Variants in ATP1B3 observed in about 807,000 individuals in gnomAD.
ATP1B3 encodes the protein sodium/potassium-transporting ATPase subunit beta-3.
A neutral mutation model predicts 30.2 loss-of-function variants in ATP1B3; 10 were observed. The ratio of observed to expected loss-of-function variants is 0.33; its 90% confidence interval spans 0.20 to 0.56. The LOEUF is 0.56. Among genes scored for constraint, ATP1B3 ranks in the 20% least tolerant of loss-of-function variants. The probability of loss-of-function intolerance (pLI) is 0.90; values close to 1 mark genes in which losing one functional copy is unlikely to be tolerated. For synonymous variants in ATP1B3, 113 were observed against 117.0 expected, an observed-to-expected ratio of 0.97 and a Z score of 0.22; for missense variants, 238 against 336.7, an observed-to-expected ratio of 0.71 and a Z score of 2.29.
chr3:141,908,291 C>T (rs1004485375), intron 3 of ATP1B3, among the ~76,000 whole-genome samples: 4 of 151,906 alleles, frequency 2.6e-5, no homozygotes, highest in Admixed American at 6.6e-5. Context: ...TTTGCTTGGC[C>T]GAGCCATTTA....
At chr3:141,903,216 T>G (rs1398062716) in intron 1 of ATP1B3, among the ~76,000 whole-genome samples, 1 of 152,234 alleles carries the variant, frequency 6.6e-6, no homozygotes, top group Non-Finnish European at 1.5e-5. Flanking sequence ...ACTAATTCTT[T>G]TATATTCGCC....
chr3:141,887,442 GT>G (rs1481780930), intron 1 of ATP1B3, among the ~76,000 whole-genome samples: 1 of 152,158 alleles, frequency 6.6e-6, no homozygotes, highest in Non-Finnish European at 1.5e-5. Context: ...GGTAACCCCC[GT>G]TAAGTGTGTA....
At chr3:141,904,157 AGAT>A (rs926878040) in intron 2 of ATP1B3, among the ~76,000 whole-genome samples, 1 of 152,242 alleles carries the variant, frequency 6.6e-6, no homozygotes, top group Non-Finnish European at 1.5e-5. Flanking sequence ...AGCAGATAGA[AGAT>A]AGCTAAACCT....
In ATP1B3 at chr3:141,925,770, C is replaced by A; in HGVS notation, c.*69C>A. 6.5e-7 allele frequency: 1 copy of A among 1,538,708 alleles called. No individual in the cohort carries two copies. The highest frequency in any genetic ancestry group is 1.9e-5 in the Admixed American group (1 of 52,710). Reference sequence around the variant, plus strand: ...CTTCATTTTGTAACAGCTGGACCTTCCATTCTAGAATTATGAGACCACCTT... The same window carrying A: ...CTTCATTTTGTAACAGCTGGACCTTACATTCTAGAATTATGAGACCACCTT... On this transcript the variant is annotated 3_prime_UTR_variant, in exon 7 of 7. Transcript: ENST00000286371.
intron 1 of ATP1B3, among the ~76,000 whole-genome samples, chr3:141,890,463 C>T (rs1410345701): frequency 3.3e-5 from 5 of 151,508 alleles, no homozygotes; most frequent in Non-Finnish European, 5.9e-5. Flanking sequence ...CCACTACGCC[C>T]GGCTGATTTT....
At position 141,903,885 on chromosome 3, in the gene ATP1B3, G is replaced by A. The variant is rs376201465; in HGVS notation, c.238+137G>A. 19 of 1,008,120 alleles carry A rather than the reference G, an allele frequency of 1.9e-5. No homozygotes were observed. The East Asian group carries it at 4.4e-4, about 23-fold the overall frequency. 62.4% of individuals were successfully genotyped at this position (1,008,120 alleles called of 1,614,324 possible). On this transcript the variant is annotated intron_variant, in intron 2 of 6. Coordinates refer to ENST00000286371, the MANE Select transcript of ATP1B3 (RefSeq NM_001679.4). ...CAACCTCTGCCTCCCAGGTTCAAGC[G>A]ATTCTCCTGCCTCCTCAGCCTGCTA...
chr3:141,899,563 G>A (rs1344698689), intron 1 of ATP1B3, among the ~76,000 whole-genome samples: 1 of 152,118 alleles, frequency 6.6e-6, no homozygotes. Context: ...TATGTGTGCT[G>A]GTGTTGCATA....
intron 1 of ATP1B3, among the ~76,000 whole-genome samples, chr3:141,884,983 A>G (rs925782423): frequency 1.3e-5 from 2 of 152,176 alleles, no homozygotes; most frequent in African/African-American, 4.8e-5. Flanking sequence ...TGCTTTCTGC[A>G]TATCCCACAA....
intron 3 of ATP1B3, among the ~76,000 whole-genome samples, chr3:141,912,487 T>G (rs1222062813): frequency 6.6e-6 from 1 of 151,894 alleles, no homozygotes; most frequent in Non-Finnish European, 1.5e-5. Context: ...GGTCTTGAAC[T>G]CTTCATCTCG....
intron 1 of ATP1B3, among the ~76,000 whole-genome samples, chr3:141,902,432 G>C (rs72986352): frequency 0.023 from 3,470 of 152,158 alleles, 143 homozygotes; most frequent in African/African-American, 0.079. Flanking sequence ...CACTCCCTGG[G>C]GGGAAAATAT....
At chr3:141,924,234 C>T (rs914986239) in intron 6 of ATP1B3, among the ~76,000 whole-genome samples, 5 of 151,636 alleles carry the variant, frequency 3.3e-5, no homozygotes, top group African/African-American at 7.3e-5. Context: ...ATCCCAGCTA[C>T]CCAGGAGGCT....
chr3:141,900,280 T>C (rs932110785), intron 1 of ATP1B3, among the ~76,000 whole-genome samples: 1 of 152,020 alleles, frequency 6.6e-6, no homozygotes, highest in Non-Finnish European at 1.5e-5. Flanking sequence ...CTGAGCTATA[T>C]TGTGTGGCCT....
At chr3:141,880,834 C>T (rs1415102823) in intron 1 of ATP1B3, among the ~76,000 whole-genome samples, 1 of 152,144 alleles carries the variant, frequency 6.6e-6, no homozygotes, top group Non-Finnish European at 1.5e-5. Context: ...TATGGGTCAT[C>T]TGATTTGCCA....
intron 3 of ATP1B3, among the ~76,000 whole-genome samples, chr3:141,910,759 T>G (rs1359285660): frequency 1.3e-5 from 2 of 148,434 alleles, no homozygotes; most frequent in Non-Finnish European, 3.0e-5. Flanking sequence ...ACCCACTGTT[T>G]CTTGGCTCTT....
intron 1 of ATP1B3, among the ~76,000 whole-genome samples, chr3:141,887,627 C>T (rs1422724295): frequency 6.6e-6 from 1 of 152,072 alleles, no homozygotes; most frequent in Admixed American, 6.5e-5. Flanking sequence ...TCATAGTAGC[C>T]CTATTCATAA....
At chr3:141,886,357 A>G (rs1467052170) in intron 1 of ATP1B3, among the ~76,000 whole-genome samples, 1 of 152,178 alleles carries the variant, frequency 6.6e-6, no homozygotes. Context: ...ACCTAGCTTC[A>G]GTGCTGGCTC....
At chr3:141,918,178 C>A (rs1438524191) in intron 5 of ATP1B3, 1 of 152,080 alleles carries the variant, frequency 6.6e-6, no homozygotes, top group East Asian at 1.9e-4. Flanking sequence ...GTTGGGTAAC[C>A]CTTTGTGATC....
At chr3:141,877,295 T>TCCGGCCCGAGAGGCCCTGGCGGAGGCGC (rs1933623643) in intron 1 of ATP1B3, among the ~76,000 whole-genome samples, 1 of 151,634 alleles carries the variant, frequency 6.6e-6, no homozygotes, top group Admixed American at 6.6e-5. Flanking sequence ...TACGGAGCGC[T>TCCGGCCCGAGAGGCCCTGGCGGAGGCGC]CCGGCCCGAG....
In ATP1B3 at chr3:141,925,953, A is replaced by G. The variant is rs1226008150; in HGVS notation, c.*252A>G. The G allele has an allele frequency of 1.2e-5, 5 of 416,866 alleles. No homozygotes were observed. Among genetic ancestry groups the G allele is most frequent in the Non-Finnish European group, 2.1e-5 (5 of 236,290 alleles). 25.8% of individuals were successfully genotyped at this position (416,866 alleles called of 1,614,324 possible). ...GACCGGTGAACACCTGATTCCAAAC[A>G]TGTAGGATGGGGGTCTTGTCCTCTT... On this transcript the variant is annotated 3_prime_UTR_variant, in exon 7 of 7. Coordinates refer to ENST00000286371, the MANE Select transcript of ATP1B3 (RefSeq NM_001679.4).
Sources: gnomAD v4.1 joint callset for allele counts (sites outside exome capture counted in the v4.1 genomes callset) on GRCh38, gnomAD v4.1.1 for gene constraint, MANE v1.5 for transcripts, NCBI Gene and HGNC (gene_info 2026-07-23, HGNC 2026-07-21) for gene names.